The following THOC1 variants were observed in gnomAD, a reference collection of about 807,000 sequenced individuals.
The protein encoded by THOC1 is THO complex subunit 1.
THOC1 carries 29 observed loss-of-function variants against 97.3 expected under a neutral mutation model. The observed-to-expected ratio is 0.30, with a 90% CI of 0.22 to 0.41. The LOEUF (loss-of-function observed/expected upper bound fraction) is 0.41. Ranked by LOEUF, THOC1 falls within the 10% of genes least tolerant of loss-of-function variation. The pLI, the probability that THOC1 is intolerant of heterozygous loss-of-function variation, is 1.00. For missense variants in THOC1, 529 were observed against 761.9 expected, an observed-to-expected ratio of 0.69 and a Z score of 3.60; for synonymous variants, 255 against 257.0, an observed-to-expected ratio of 0.99 and a Z score of 0.07.
rs1249746876 is a variant in THOC1 at position 216,591 on chromosome 18, T to C, written c.1497A>G (p.Leu499=). ...AGAAGTGAGGGCTTCTCCGTGCTAA[T>C]AGTCTCAGGGCTCTCCAACCATAAT... ...NSNYGWRALR[L]LARRSPHFFQ... The change falls in exon 19 of 21, where the codon CTA becomes CTG. Residue 499 remains leucine, a synonymous_variant. Transcript: ENST00000261600. The C allele has an allele frequency of 6.2e-7, 1 of 1,613,972 alleles. No homozygotes were observed. Among genetic ancestry groups the C allele is most frequent in the South Asian group, 1.1e-5 (1 of 91,084 alleles).
At chr18:247,802 T>A (rs764233532) in intron 10 of THOC1, 47 bp downstream of exon 10, 2 of 1,142,200 alleles carry the variant, frequency 1.8e-6, no homozygotes, top group African/African-American at 3.1e-5. Flanking sequence ...GCTCTATCAC[T>A]GTCTATAAAA....
chr18:238,069 T>G (rs1474834935), intron 11 of THOC1, among the ~76,000 whole-genome samples: 4 of 152,120 alleles, frequency 2.6e-5, no homozygotes, highest in African/African-American at 9.7e-5. Context: ...TTCACCATGT[T>G]GGCCAGGCTG....
intron 18 of THOC1, 53 bp downstream of exon 18, chr18:218,833 A>C: frequency 6.9e-7 from 1 of 1,455,090 alleles, no homozygotes; most frequent in Non-Finnish European, 9.4e-7. Flanking sequence ...ACAATTCCTA[A>C]GGAAGAAACA....
In THOC1 at chr18:249,155, A is replaced by T. The variant is rs1039855133; in HGVS notation, c.678-1198T>A. ...CTGACTTTTAACTAACAAAAATCTA[A>T]ATCTAGTTCTTGCCAAAGCTTTCAT... is the stretch of plus-strand genomic sequence containing the variant. On this transcript the variant is annotated intron_variant, in intron 9 of 20. Transcript: ENST00000261600. Among the ~76,000 whole-genome samples, 3 of 152,176 alleles carry T rather than the reference A, an allele frequency of 2.0e-5. No homozygotes were observed. The South Asian group carries it at 6.2e-4, about 31-fold the overall frequency.
chr18:254,256 T>G lies in THOC1; in HGVS notation c.603+17A>C. On this transcript the variant is annotated intron_variant, in intron 8 of 20. Transcript: ENST00000261600. The surrounding 1 kb of genome is among the most constrained non-coding windows in gnomAD (Gnocchi z 4.1). ...CTTGCAAATATGTTATCTGAGAAGA[T>G]TTCAAATCAGCCTCACCTTCTGACC... 6.5e-7 allele frequency: 1 copy of G among 1,543,202 alleles called. No homozygotes were observed. The highest frequency in any genetic ancestry group is 8.8e-7 in the Non-Finnish European group (1 of 1,132,566).
chr18:246,851 C>T (rs1210378839), intron 10 of THOC1, among the ~76,000 whole-genome samples: 1 of 149,266 alleles, frequency 6.7e-6, no homozygotes, highest in Admixed American at 6.7e-5. Flanking sequence ...GTGGCGGGCA[C>T]CTGTAGTCCC....
chr18:224,203 AT>A, intron 15 of THOC1, 24 bp from the exon 16 acceptor site: 1 of 1,462,810 alleles, frequency 6.8e-7, no homozygotes, highest in Non-Finnish European at 9.5e-7. Context: ...AACATACACT[AT>A]TTTTTGAATT....
chr18:248,764 T>C (rs1912177329), intron 9 of THOC1, among the ~76,000 whole-genome samples: 1 of 152,138 alleles, frequency 6.6e-6, no homozygotes, highest in South Asian at 2.1e-4. Context: ...TTTAAATTTT[T>C]TTTTTTAAAG....
chr18:259,655 CA>C, intron 6 of THOC1, 26 bp downstream of exon 6: 2 of 1,509,152 alleles, frequency 1.3e-6, no homozygotes, highest in Admixed American at 4.3e-5. Context: ...ACTTAAAAAG[CA>C]ATCATTTTAT....
intron 7 of THOC1, among the ~76,000 whole-genome samples, chr18:255,843 T>C (rs1422698303): frequency 6.6e-6 from 1 of 152,222 alleles, no homozygotes; most frequent in Admixed American, 6.5e-5. Flanking sequence ...CCAATGTTCA[T>C]TTACCATTCT....
intron 16 of THOC1, 73 bp from the exon 17 acceptor site, chr18:223,578 A>G (rs990991906): frequency 5.0e-5 from 59 of 1,182,196 alleles, no homozygotes; most frequent in Admixed American, 1.1e-4. Flanking sequence ...CTGAACAGAA[A>G]AACAATACAA....
At chr18:249,423 T>G (rs1353095269) in intron 9 of THOC1, among the ~76,000 whole-genome samples, 1 of 152,046 alleles carries the variant, frequency 6.6e-6, no homozygotes, top group African/African-American at 2.4e-5. Flanking sequence ...TCCCAACACT[T>G]TGGGAGGCTG....
intron 11 of THOC1, among the ~76,000 whole-genome samples, chr18:227,593 G>A (rs1014910828): frequency 9.4e-6 from 1 of 106,518 alleles, no homozygotes. Context: ...GGACTTGAAG[G>A]TCACTCATGA....
At chr18:224,585 A>G (rs1023718198) in intron 15 of THOC1, among the ~76,000 whole-genome samples, 3 of 152,106 alleles carry the variant, frequency 2.0e-5, no homozygotes, top group Non-Finnish European at 4.4e-5. Context: ...TCTCAAAAAA[A>G]AAAAAAAAAT....
intron 11 of THOC1, among the ~76,000 whole-genome samples, chr18:239,785 C>T (rs1911834335): frequency 6.6e-6 from 1 of 152,072 alleles, no homozygotes; most frequent in Non-Finnish European, 1.5e-5. Flanking sequence ...ACATGCATAT[C>T]AAAGTATACT....
At chr18:258,681 A>C (rs543346387) in intron 7 of THOC1, among the ~76,000 whole-genome samples, 71 of 152,282 alleles carry the variant, frequency 4.7e-4, no homozygotes, top group African/African-American at 1.6e-3. Context: ...CATACTGGGG[A>C]GGCGGAAGGC....
intron 16 of THOC1, 59 bp downstream of exon 16, chr18:224,025 A>G (rs918552450): frequency 3.7e-5 from 45 of 1,218,342 alleles, no homozygotes; most frequent in Non-Finnish European, 5.3e-5. Context: ...TTCTTAAAGT[A>G]ACATCTTCAA....
At chr18:237,239 A>C (rs1030792228) in intron 11 of THOC1, among the ~76,000 whole-genome samples, 1 of 150,314 alleles carries the variant, frequency 6.7e-6, no homozygotes, top group Non-Finnish European at 1.5e-5. Context: ...GGCTTACTAC[A>C]ACCTCTGCCT....
At chr18:240,520 T>C (rs1817199857) in intron 11 of THOC1, among the ~76,000 whole-genome samples, 1 of 152,242 alleles carries the variant, frequency 6.6e-6, no homozygotes, top group South Asian at 2.1e-4. Flanking sequence ...TGAAGACCAT[T>C]ACAAGTCAAT....
Sources: gnomAD v4.1 joint callset for allele counts (sites outside exome capture counted in the v4.1 genomes callset) on GRCh38, gnomAD v4.1.1 for gene constraint, Gnocchi (gnomAD v3.1) non-coding constraint, MANE v1.5 for transcripts, NCBI Gene and HGNC (gene_info 2026-07-23, HGNC 2026-07-21) for gene names.